ALB: variants seen among roughly 807,000 people sequenced by gnomAD.
ALB encodes serum albumin.
A neutral mutation model predicts 74.5 loss-of-function variants in ALB; 37 were observed. That is an observed-to-expected ratio of 0.50 (90% CI 0.38 to 0.65). The LOEUF (loss-of-function observed/expected upper bound fraction) is 0.65, where lower values mean the gene tolerates loss of function less well. Among genes scored for constraint, ALB ranks in the 30% least tolerant of loss-of-function variants. The pLI is 0.00. For synonymous variants in ALB, 249 were observed against 251.6 expected (o/e 0.99, Z 0.10); for missense variants, 685 against 718.7 (o/e 0.95, Z 0.54).
chr4:73,411,958 C>T (rs1355523193), intron 6 of ALB, 38 bp from the exon 7 acceptor site: 28 of 1,612,702 alleles, frequency 1.7e-5, no homozygotes, highest in Non-Finnish European at 2.4e-5. Context: ...TAAAATATCG[C>T]ATGATAATAC....
intron 12 of ALB, among the ~76,000 whole-genome samples, chr4:73,418,554 T>G (rs1314124605): frequency 6.6e-6 from 1 of 152,172 alleles, no homozygotes; most frequent in Non-Finnish European, 1.5e-5. Context: ...CACAATAGAA[T>G]AACATGTTAG....
rs762055564 is a variant in ALB, at chr4:73,409,397, C to T, written c.525C>T (p.Ala175=). 1 of 1,613,780 alleles carries T rather than the reference C, an allele frequency of 6.2e-7. No homozygotes were observed. Among genetic ancestry groups the T allele is most frequent in the Non-Finnish European group, 8.5e-7 (1 of 1,179,834 alleles). Residue 175 remains alanine (A), a synonymous_variant, in exon 5 of 15, where the codon GCC becomes GCT. Coordinates refer to ENST00000295897, the MANE Select transcript of ALB (RefSeq NM_000477.7). The part of the protein sequence containing the change: ...EIARRHPYFY[A]PELLFFAKRY... ...CCAGAAGACATCCTTACTTTTATGCCCCGGAACTCCTTTTCTTTGCTAAAA... is the reference window on the plus strand; with the variant it reads ...CCAGAAGACATCCTTACTTTTATGCTCCGGAACTCCTTTTCTTTGCTAAAA...
At chr4:73,408,232 C>T (rs901326088) in intron 3 of ALB, among the ~76,000 whole-genome samples, 1 of 152,052 alleles carries the variant, frequency 6.6e-6, no homozygotes, top group Non-Finnish European at 1.5e-5. Flanking sequence ...TGTTTTTCTC[C>T]CCTAGGTGAA....
chr4:73,417,251 T>C (rs1719035073), intron 10 of ALB, among the ~76,000 whole-genome samples: 1 of 152,186 alleles, frequency 6.6e-6, no homozygotes, highest in Non-Finnish European at 1.5e-5. Flanking sequence ...CCAGGTTTTA[T>C]TGAAAGAAGA....
At chr4:73,420,457 T>G (rs1481918977) in intron 14 of ALB, 136 bp downstream of exon 14, 1 of 513,640 alleles carries the variant, frequency 1.9e-6, no homozygotes, top group Non-Finnish European at 3.3e-6. Context: ...AAATATTAGC[T>G]TTTAAAATTC....
intron 2 of ALB, 105 bp downstream of exon 2, chr4:73,405,278 G>A: frequency 1.0e-6 from 1 of 972,792 alleles, no homozygotes. Flanking sequence ...TTCTAAAACA[G>A]TGCTGCCTCG....
chr4:73,420,171 A>G lies in ALB; in HGVS notation c.1786-83A>G, dbSNP rs1479398322. The G allele has an allele frequency of 3.2e-6, 4 of 1,253,536 alleles. No homozygotes were observed. The African/African-American group carries it at 4.5e-5, about 14-fold the overall frequency. The allele number at this position is 1,253,536 out of a possible 1,614,324, so 77.7% of individuals were successfully genotyped here. A position where few individuals can be genotyped will look rare whatever the true frequency, so the allele number is the denominator to read the frequency against. On this transcript the variant is annotated intron_variant, in intron 13 of 14. Transcript: ENST00000295897. ...ATGCACGTGAAATCACTTTGCAATC[A>G]TCAATAGCTTCATAAATGTTAATTT...
chr4:73,419,942 T>G (rs1248835279), intron 13 of ALB, among the ~76,000 whole-genome samples: 1 of 152,188 alleles, frequency 6.6e-6, no homozygotes, highest in African/African-American at 2.4e-5. Flanking sequence ...AAACATTAAT[T>G]TATTTAAACA....
chr4:73,417,900 G>A (rs1262187155), intron 11 of ALB, 188 bp from the exon 12 acceptor site: 1 of 704,410 alleles, frequency 1.4e-6, no homozygotes, highest in Non-Finnish European at 2.4e-6. Flanking sequence ...CCAGGCTGGA[G>A]TGCAGTGGTG....
Position 73,410,211 on chromosome 4 carries a change from G to A in ALB, c.616-101G>A, listed in dbSNP as rs960172983. 8 of 874,982 alleles carry A rather than the reference G, an allele frequency of 9.1e-6. No individual in the cohort carries two copies. The African/African-American group carries it at 1.2e-4, about 13-fold the overall frequency. 54.2% of individuals were successfully genotyped at this position (874,982 alleles called of 1,614,324 possible). A position where few individuals can be genotyped will look rare whatever the true frequency, so the allele number is the denominator to read the frequency against. On this transcript the variant is annotated intron_variant, in intron 5 of 14. Coordinates refer to ENST00000295897, the MANE Select transcript of ALB (RefSeq NM_000477.7). ...ACTTGGGAATTTAGGCATAAATTAT[G>A]CCTTCAAAATTTAATTTGGCACAGT...
At chr4:73,413,880 G>A (rs1050201957) in intron 8 of ALB, among the ~76,000 whole-genome samples, 1 of 152,120 alleles carries the variant, frequency 6.6e-6, no homozygotes, top group Non-Finnish European at 1.5e-5. Context: ...CTGAAAATAC[G>A]TCTAGAAACA....
At chr4:73,412,325 A>G in intron 7 of ALB, 200 bp downstream of exon 7, 1 of 641,546 alleles carries the variant, frequency 1.6e-6, no homozygotes, top group Non-Finnish European at 2.8e-6. Context: ...AGATAAACCC[A>G]TTCACTGATT....
At position 73,419,585 on chromosome 4, in the gene ALB, T is replaced by A. The variant is rs564649737; in HGVS notation, c.1731T>A (p.Ala577=). ...AAGCTGTTATGGATGATTTCGCAGC[T>A]TTTGTAGAGAAGTGCTGCAAGGCTG... ...QLKAVMDDFA[A]FVEKCCKADD... The change falls in exon 13 of 15, where the codon GCT becomes GCA. Residue 577 remains alanine (A), a synonymous_variant. Transcript: ENST00000295897. The A allele has an allele frequency of 1.2e-5, 20 of 1,613,958 alleles. No individual in the cohort carries two copies. The East Asian group carries it at 4.5e-4, about 36-fold the overall frequency.
At chr4:73,407,702 T>C (rs1204485441) in intron 3 of ALB, among the ~76,000 whole-genome samples, 2 of 152,226 alleles carry the variant, frequency 1.3e-5, no homozygotes, top group African/African-American at 4.8e-5. Context: ...ATTTTAGATA[T>C]CTTTGTATTT....
At chr4:73,409,315 T>A in intron 4 of ALB, 40 bp from the exon 5 acceptor site, 8 of 1,596,604 alleles carry the variant, frequency 5.0e-6, no homozygotes, top group Non-Finnish European at 6.9e-6. Context: ...TAATATTGTC[T>A]GCTATAGAAA....
chr4:73,413,661 A>G (rs922981678), intron 8 of ALB, 27 bp downstream of exon 8: 4 of 1,609,568 alleles, frequency 2.5e-6, no homozygotes, highest in Non-Finnish European at 3.4e-6. Context: ...TTATTCTTTT[A>G]TAGCTTTGGC....
At chr4:73,408,356 A>T (rs1050875631) in intron 3 of ALB, among the ~76,000 whole-genome samples, 1 of 152,154 alleles carries the variant, frequency 6.6e-6, no homozygotes, top group Non-Finnish European at 1.5e-5. Flanking sequence ...AAAGCTATTG[A>T]CTGTCTTTTT....
chr4:73,418,457 C>T, intron 12 of ALB, 146 bp downstream of exon 12: 1 of 731,048 alleles, frequency 1.4e-6, no homozygotes, highest in Non-Finnish European at 2.3e-6. Flanking sequence ...ATAAGAGTAC[C>T]CAGAATAAAA....
intron 4 of ALB, chr4:73,409,153 A>G: frequency 1.6e-6 from 1 of 629,474 alleles, no homozygotes; most frequent in Non-Finnish European, 2.7e-6. Context: ...TTATGCACAC[A>G]CACACACACA....
Sources: allele counts gnomAD v4.1 joint callset (sites outside exome capture counted in the v4.1 genomes callset), GRCh38; gene constraint gnomAD v4.1.1; transcripts MANE v1.5; gene names NCBI Gene and HGNC (gene_info 2026-07-23, HGNC 2026-07-21).